CNTLN: variants seen among roughly 807,000 people sequenced by gnomAD.
CNTLN encodes the protein centlein.
CNTLN carries 212 observed loss-of-function variants against 180.0 expected under a neutral mutation model. That is an observed-to-expected ratio of 1.18 (90% CI 1.05 to 1.32). The LOEUF is 1.32. Ranked by LOEUF, CNTLN falls within the 40% of genes most tolerant of loss-of-function variation. The probability of loss-of-function intolerance (pLI) is 0.00; values close to 1 mark genes in which losing one functional copy is unlikely to be tolerated. For synonymous variants in CNTLN, 722 were observed against 563.1 expected (o/e 1.28, Z -3.99); for missense variants, 2,095 against 1,610.9 (o/e 1.30, Z -5.14).
chr9:17,322,507 T>C (rs1340841116), intron 8 of CNTLN, among the ~76,000 whole-genome samples: 3 of 152,158 alleles, frequency 2.0e-5, no homozygotes, highest in Non-Finnish European at 2.9e-5. Flanking sequence ...GCCCAAGATA[T>C]TAAAATCTAG....
At chr9:17,214,193 C>T (rs4592125) in intron 2 of CNTLN, among the ~76,000 whole-genome samples, 20,859 of 152,068 alleles carry the variant, frequency 0.14, 1,623 homozygotes, top group African/African-American at 0.21. Flanking sequence ...TGACTGGTAC[C>T]GGTTGTTCCT....
intron 15 of CNTLN, among the ~76,000 whole-genome samples, chr9:17,404,532 C>T (rs1287079746): frequency 6.6e-6 from 1 of 151,578 alleles, no homozygotes; most frequent in East Asian, 1.9e-4. Flanking sequence ...AAAGGAGCTA[C>T]GGTATTAGCC....
chr9:17,211,566 A>T (rs1261020127), intron 2 of CNTLN, among the ~76,000 whole-genome samples: 1 of 152,098 alleles, frequency 6.6e-6, no homozygotes, highest in Admixed American at 6.6e-5. Context: ...GTGAACTTTA[A>T]AGTAGTTTTT....
At chr9:17,268,298 C>T (rs1433774900) in intron 5 of CNTLN, among the ~76,000 whole-genome samples, 1 of 152,184 alleles carries the variant, frequency 6.6e-6, no homozygotes, top group African/African-American at 2.4e-5. Context: ...TGCTAGAGGT[C>T]CACTCCAGAC....
At chr9:17,240,390 A>G (rs969736326) in intron 5 of CNTLN, among the ~76,000 whole-genome samples, 1 of 151,990 alleles carries the variant, frequency 6.6e-6, no homozygotes, top group Non-Finnish European at 1.5e-5. Flanking sequence ...GTATCATATC[A>G]TGACAGCTGC....
chr9:17,324,999 A>G (rs1183919090), intron 8 of CNTLN, among the ~76,000 whole-genome samples: 1 of 151,876 alleles, frequency 6.6e-6, no homozygotes, highest in Non-Finnish European at 1.5e-5. Context: ...AAATGCAAAT[A>G]TTTATATTTT....
chr9:17,169,890 C>A (rs1820317072), intron 2 of CNTLN, among the ~76,000 whole-genome samples: 1 of 152,044 alleles, frequency 6.6e-6, no homozygotes, highest in African/African-American at 2.4e-5. Flanking sequence ...TGATCTTTTG[C>A]AGTTCCATAT....
At chr9:17,428,802 C>G (rs1829243753) in intron 18 of CNTLN, among the ~76,000 whole-genome samples, 1 of 151,738 alleles carries the variant, frequency 6.6e-6, no homozygotes, top group South Asian at 2.1e-4. Flanking sequence ...CTCAAGGTCA[C>G]AATAATACAC....
intron 18 of CNTLN, among the ~76,000 whole-genome samples, chr9:17,442,918 G>C (rs533524793): frequency 6.6e-6 from 1 of 152,216 alleles, no homozygotes; most frequent in South Asian, 2.1e-4. Flanking sequence ...AAAATTTTCT[G>C]ATAAAATTAA....
chr9:17,259,142 C>G (rs1408859066), intron 5 of CNTLN, among the ~76,000 whole-genome samples: 1 of 145,214 alleles, frequency 6.9e-6, no homozygotes, highest in Non-Finnish European at 1.5e-5. Context: ...TTTTGAAATA[C>G]GTCCCATCAA....
intron 18 of CNTLN, among the ~76,000 whole-genome samples, chr9:17,454,402 G>T (rs1009851302): frequency 2.0e-5 from 3 of 152,162 alleles, no homozygotes; most frequent in Non-Finnish European, 4.4e-5. Flanking sequence ...CACTGCTGCG[G>T]ATATAGAGTC....
the CNTLN span, among the ~76,000 whole-genome samples, chr9:17,526,356 G>A: frequency 6.6e-6 from 1 of 152,170 alleles, no homozygotes; most frequent in Non-Finnish European, 1.5e-5. Context: ...CTGTAATTAA[G>A]TAAATTACTA....
intron 18 of CNTLN, among the ~76,000 whole-genome samples, chr9:17,453,769 C>T (rs1202024559): frequency 2.0e-5 from 3 of 152,156 alleles, no homozygotes; most frequent in Non-Finnish European, 2.9e-5. Context: ...GGATCATTCT[C>T]AACTCATTGA....
intron 15 of CNTLN, among the ~76,000 whole-genome samples, chr9:17,402,268 A>G (rs1827038308): frequency 6.6e-6 from 1 of 151,916 alleles, no homozygotes; most frequent in African/African-American, 2.4e-5. Context: ...CAAAATCTCA[A>G]GGATAGCATC....
In CNTLN at chr9:17,326,602, G is replaced by T. The variant is rs554755253; in HGVS notation, c.1342-4030G>T. Among the ~76,000 whole-genome samples, 3 of 152,194 alleles carry T rather than the reference G, an allele frequency of 2.0e-5. No homozygotes were observed. In the South Asian group the frequency reaches 6.2e-4, roughly 32 times the overall value. On this transcript the variant is annotated intron_variant, in intron 8 of 25. Coordinates refer to ENST00000380647, the MANE Select transcript of CNTLN (RefSeq NM_017738.4). ...CAAGTAAAAAAGTACAGTATGGCTG[G>T]GGAGAAAAGAGTAGCTTTACAAGTG...
At chr9:17,341,513 C>G (rs990975807) in intron 11 of CNTLN, among the ~76,000 whole-genome samples, 1 of 152,146 alleles carries the variant, frequency 6.6e-6, no homozygotes, top group African/African-American at 2.4e-5. Context: ...CTTGGTTAGT[C>G]GTAAGTGGCT....
intron 5 of CNTLN, among the ~76,000 whole-genome samples, chr9:17,257,185 T>C (rs1055584584): frequency 6.6e-6 from 1 of 151,596 alleles, no homozygotes; most frequent in Non-Finnish European, 1.5e-5. Context: ...GTCCATGTGA[T>C]CTCATTGTTC....
chr9:17,177,816 C>T (rs540941726), intron 2 of CNTLN, among the ~76,000 whole-genome samples: 33 of 152,202 alleles, frequency 2.2e-4, no homozygotes, highest in African/African-American at 3.6e-4. Context: ...TTGCAAAGAG[C>T]GAAAGAACAA....
At chr9:17,151,769 G>C (rs1407638531) in intron 2 of CNTLN, among the ~76,000 whole-genome samples, 2 of 152,068 alleles carry the variant, frequency 1.3e-5, no homozygotes, top group African/African-American at 4.8e-5. Flanking sequence ...GGTAGAATTC[G>C]GCTGTGAATC....
Sources: allele counts gnomAD v4.1 joint callset (sites outside exome capture counted in the v4.1 genomes callset), GRCh38; gene constraint gnomAD v4.1.1; transcripts MANE v1.5; gene names NCBI Gene and HGNC (gene_info 2026-07-23, HGNC 2026-07-21).